Variants in CNNM1 observed in about 807,000 individuals in gnomAD.
CNNM1 encodes cyclin and CBS domain divalent metal cation transport mediator 1.
CNNM1 carries 44 observed loss-of-function variants against 78.8 expected under a neutral mutation model. The ratio of observed to expected loss-of-function variants is 0.56; its 90% CI spans 0.44 to 0.72. The LOEUF (loss-of-function observed/expected upper bound fraction) is 0.72, where lower values mean the gene tolerates loss of function less well. Ranked by LOEUF, CNNM1 falls within the 30% of genes least tolerant of loss-of-function variation. The pLI is 0.00. For missense variants in CNNM1, 1,101 were observed against 1,292.2 expected (o/e 0.85, Z 2.27); for synonymous variants, 584 against 581.5 (o/e 1.00, Z -0.06).
rs145930083 is a variant in CNNM1, at chr10:99,386,673, T to C, written c.2341-1147T>C. The stretch of plus-strand genomic sequence containing the variant: ...GGATTGATCGTGTCCAGTAAAATAA[T>C]GCGTCTTGTCAGTAGTTGACAAGGA... On this transcript the variant is annotated intron_variant, in intron 7 of 10. Coordinates refer to ENST00000356713, the MANE Select transcript of CNNM1 (RefSeq NM_020348.3). Among the ~76,000 whole-genome samples the C allele has an allele frequency of 2.9e-3, 436 of 152,346 alleles. 1 individual carries two copies. Among genetic ancestry groups the C allele is most frequent in the Non-Finnish European group, 3.9e-3 (262 of 68,030 alleles).
At position 99,377,345 on chromosome 10, in the gene CNNM1, G is replaced by C. The variant is rs576764719; in HGVS notation, c.2340+127G>C. ...CCATTCCCCTGTGTTCCAATACAGT[G>C]CTGGGTGGTAACTGCTACTGGCTGT... On this transcript the variant is annotated intron_variant, in intron 7 of 10. Coordinates refer to ENST00000356713, the MANE Select transcript of CNNM1 (RefSeq NM_020348.3). 2.6e-5 allele frequency: 23 copies of C among 898,046 alleles called. No individual in the cohort carries two copies. In the East Asian group the frequency reaches 5.3e-4, roughly 21 times the overall value. The allele number at this position is 898,046 out of a possible 1,614,324, so 55.6% of individuals were successfully genotyped here.
rs893448251 is a variant in CNNM1 at position 99,387,746 on chromosome 10, G to A, written c.2341-74G>A. 116 of 1,435,060 alleles carry A rather than the reference G, an allele frequency of 8.1e-5. No individual in the cohort carries two copies. The East Asian group carries it at 1.0e-3, about 13-fold the overall frequency. 88.9% of individuals were successfully genotyped at this position (1,435,060 alleles called of 1,614,324 possible). A position where few individuals can be genotyped will look rare whatever the true frequency, so the allele number is the denominator to read the frequency against. The stretch of plus-strand genomic sequence containing the variant: ...CAAGCACCCCAGCGAGGCTGCCCCC[G>A]AGCCTGGGAAGGCTGGCTGCATCCG... On this transcript the variant is annotated intron_variant, in intron 7 of 10. Transcript: ENST00000356713.
At chr10:99,384,747 A>G (rs756993611) in intron 7 of CNNM1, among the ~76,000 whole-genome samples, 1 of 152,178 alleles carries the variant, frequency 6.6e-6, no homozygotes, top group Non-Finnish European at 1.5e-5. Flanking sequence ...TCCAGGTAAC[A>G]AGAGGGGCTT....
At position 99,393,654 on chromosome 10, in the gene CNNM1, G is replaced by A. The variant is rs1162863638; in HGVS notation, c.*2138G>A. 1.3e-5 allele frequency: 2 copies of A among 152,328 alleles called. No individual in the cohort carries two copies. Among genetic ancestry groups the A allele is most frequent in the African/African-American group, 4.8e-5 (2 of 41,334 alleles). The allele number at this position is 152,328 out of a possible 1,614,324, so 9.4% of individuals were successfully genotyped here. On this transcript the variant is annotated 3_prime_UTR_variant, in exon 11 of 11. Coordinates refer to ENST00000356713, the MANE Select transcript of CNNM1 (RefSeq NM_020348.3). ...TGGTCTTTTCAAATGTCCATCAATTGATGGGGAAGGCTGGCACCCACCAAG... is the reference window on the plus strand; with the variant it reads ...TGGTCTTTTCAAATGTCCATCAATTAATGGGGAAGGCTGGCACCCACCAAG...
intron 1 of CNNM1, among the ~76,000 whole-genome samples, chr10:99,341,441 A>G (rs537188905): frequency 2.1e-4 from 32 of 152,302 alleles, no homozygotes; most frequent in African/African-American, 7.5e-4. Context: ...TCCAGGAACG[A>G]GAAAGAAGGA....
In CNNM1 at chr10:99,393,512, AACAG is replaced by A. The variant is rs1277033686; in HGVS notation, c.*2000_*2003del. The A allele has an allele frequency of 3.3e-5, 5 of 152,746 alleles. No homozygotes were observed. Among genetic ancestry groups the A allele is most frequent in the African/African-American group, 7.2e-5 (3 of 41,582 alleles). The allele number at this position is 152,746 out of a possible 1,614,324, so 9.5% of individuals were successfully genotyped here. A position where few individuals can be genotyped will look rare whatever the true frequency, so the allele number is the denominator to read the frequency against. On this transcript the variant is annotated 3_prime_UTR_variant, in exon 11 of 11. Transcript: ENST00000356713. ...CTCAGACCTACAAAGAGTTAAAACA[AACAG>A]ACAAACAAAAAAAAACACTACTATT...
intron 7 of CNNM1, among the ~76,000 whole-genome samples, chr10:99,383,821 A>G (rs1251129616): frequency 6.6e-6 from 1 of 152,194 alleles, no homozygotes; most frequent in Non-Finnish European, 1.5e-5. Flanking sequence ...TAGGCCGTCC[A>G]CTAAACCTTC....
intron 6 of CNNM1, among the ~76,000 whole-genome samples, chr10:99,367,430 C>T (rs775138121): frequency 6.6e-6 from 1 of 152,164 alleles, no homozygotes; most frequent in Admixed American, 6.5e-5. Context: ...CTGTCTTCTT[C>T]TTCTTGGTTC....
At chr10:99,364,627 C>A in intron 5 of CNNM1, 111 bp downstream of exon 5, 1 of 856,772 alleles carries the variant, frequency 1.2e-6, no homozygotes, top group Non-Finnish European at 1.8e-6. Context: ...CCTGGACAAG[C>A]CATTTAACTT....
chr10:99,383,793 A>C (rs1318479728), intron 7 of CNNM1, among the ~76,000 whole-genome samples: 2 of 152,174 alleles, frequency 1.3e-5, no homozygotes. Flanking sequence ...CAGGTCATCG[A>C]AACTGGGCAC....
chr10:99,356,505 AG>A (rs1336980816), intron 1 of CNNM1, among the ~76,000 whole-genome samples: 80 of 149,474 alleles, frequency 5.4e-4, no homozygotes, highest in East Asian at 5.3e-3. Flanking sequence ...AGAGAGAGAG[AG>A]AGAGAAAGAG....
At chr10:99,358,470 C>A (rs182895855) in intron 2 of CNNM1, among the ~76,000 whole-genome samples, 45 of 152,298 alleles carry the variant, frequency 3.0e-4, no homozygotes, top group African/African-American at 1.0e-3. Flanking sequence ...CCTTTTCTTC[C>A]TTGCAGATAA....
At chr10:99,338,735 TAA>T (rs1466690143) in intron 1 of CNNM1, among the ~76,000 whole-genome samples, 2 of 152,166 alleles carry the variant, frequency 1.3e-5, no homozygotes, top group Non-Finnish European at 2.9e-5. Context: ...TTTGTCATAT[TAA>T]AAATATATTG....
chr10:99,347,154 A>C (rs1220362268), intron 1 of CNNM1, among the ~76,000 whole-genome samples: 1 of 151,980 alleles, frequency 6.6e-6, no homozygotes, highest in African/African-American at 2.4e-5. Flanking sequence ...CTAGATAACA[A>C]ACCTGCACAT....
At chr10:99,373,149 T>C (rs2031858522) in intron 6 of CNNM1, among the ~76,000 whole-genome samples, 1 of 152,128 alleles carries the variant, frequency 6.6e-6, no homozygotes, top group South Asian at 2.1e-4. Context: ...AGGAGTTTAG[T>C]AGATAAAATA....
At chr10:99,364,085 A>G (rs1368939745) in intron 4 of CNNM1, among the ~76,000 whole-genome samples, 1 of 152,114 alleles carries the variant, frequency 6.6e-6, no homozygotes, top group Non-Finnish European at 1.5e-5. Context: ...CCAATCTTGG[A>G]CTAAACCAGT....
chr10:99,384,278 A>G (rs572417634), intron 7 of CNNM1, among the ~76,000 whole-genome samples: 4 of 152,310 alleles, frequency 2.6e-5, no homozygotes, highest in South Asian at 2.1e-4. Flanking sequence ...CCCTGGATAC[A>G]TTGGCACCTT....
At chr10:99,354,510 T>C (rs1444018564) in intron 1 of CNNM1, among the ~76,000 whole-genome samples, 1 of 152,232 alleles carries the variant, frequency 6.6e-6, no homozygotes, top group Non-Finnish European at 1.5e-5. Flanking sequence ...TATTTAAGTA[T>C]ATGATCCTTT....
intron 1 of CNNM1, among the ~76,000 whole-genome samples, chr10:99,349,923 C>T (rs745937594): frequency 6.6e-6 from 1 of 152,060 alleles, no homozygotes; most frequent in African/African-American, 2.4e-5. Flanking sequence ...TGCTTGAACC[C>T]GAGAGGCAGA....
Sources: gnomAD v4.1 joint callset for allele counts (sites outside exome capture counted in the v4.1 genomes callset) on GRCh38, gnomAD v4.1.1 for gene constraint, MANE v1.5 for transcripts, NCBI Gene and HGNC (gene_info 2026-07-23, HGNC 2026-07-21) for gene names.